The following CACNG3 variants were observed in gnomAD, a reference collection of about 807,000 sequenced individuals.
The protein encoded by CACNG3 is calcium voltage-gated channel auxiliary subunit gamma 3, also known as voltage-dependent calcium channel gamma-3 subunit.
In CACNG3, 3 loss-of-function variants were observed where a neutral mutation model predicts 28.5. The ratio of observed to expected loss-of-function variants is 0.11; its 90% CI spans 0.05 to 0.27. The LOEUF is 0.27. Ranked by LOEUF, CACNG3 falls within the 10% of genes least tolerant of loss-of-function variation. The pLI is 1.00. For synonymous variants in CACNG3, 174 were observed against 162.2 expected (o/e 1.07, Z -0.55); for missense variants, 236 against 414.4 (o/e 0.57, Z 3.74).
intron 1 of CACNG3, among the ~76,000 whole-genome samples, chr16:24,342,240 C>G (rs538955767): frequency 1.3e-5 from 2 of 152,088 alleles, no homozygotes; most frequent in East Asian, 3.9e-4. Flanking sequence ...TGCACTCCAG[C>G]CTGGGTGACA....
At chr16:24,299,436 T>G (rs1899076994) in intron 1 of CACNG3, among the ~76,000 whole-genome samples, 1 of 152,152 alleles carries the variant, frequency 6.6e-6, no homozygotes, top group Non-Finnish European at 1.5e-5. Flanking sequence ...AGGCACATCT[T>G]GTACATTCCC....
chr16:24,300,805 G>T (rs1231382703), intron 1 of CACNG3, among the ~76,000 whole-genome samples: 1 of 152,004 alleles, frequency 6.6e-6, no homozygotes, highest in Non-Finnish European at 1.5e-5. Flanking sequence ...TGTAATCCCA[G>T]CACTTTTGGA....
At chr16:24,312,947 G>GAAAA (rs879920459) in intron 1 of CACNG3, among the ~76,000 whole-genome samples, 3 of 104,886 alleles carry the variant, frequency 2.9e-5, no homozygotes, top group Admixed American at 9.8e-5. Flanking sequence ...AAGAAAGAAA[G>GAAAA]AAAGAAAGAG....
chr16:24,259,532 A>G (rs1199769469), intron 1 of CACNG3, among the ~76,000 whole-genome samples: 1 of 152,184 alleles, frequency 6.6e-6, no homozygotes, highest in African/African-American at 2.4e-5. Context: ...TCGTAGCTCC[A>G]TTTTCTTAGA....
chr16:24,322,721 C>T (rs576814747), intron 1 of CACNG3, among the ~76,000 whole-genome samples: 22 of 152,258 alleles, frequency 1.4e-4, no homozygotes, highest in Middle Eastern at 3.4e-3. Context: ...AAGTAACTTT[C>T]TCAGTCATTC....
rs1491437941 is a variant in CACNG3 at position 24,312,957 on chromosome 16, GAA to G, written c.212-33775_212-33774del. 2.8e-3 allele frequency among the ~76,000 whole-genome samples: 350 copies of G among 125,614 alleles called. 3 individuals are homozygous for G. The highest frequency in any genetic ancestry group is 5.3e-3 in the Admixed American group (62 of 11,728). The allele number at this position is 125,614 out of a possible 152,430, so 82.4% of individuals were successfully genotyped here. A position where few individuals can be genotyped will look rare whatever the true frequency, so the allele number is the denominator to read the frequency against. ...AAAGAAAGAAAGAAAGAAAGAAAGA[GAA>G]AGAAAGAAAAGAAAGAAAGAAATAA... On this transcript the variant is annotated intron_variant, in intron 1 of 3. Coordinates refer to ENST00000005284, the MANE Select transcript of CACNG3 (RefSeq NM_006539.4).
chr16:24,344,352 C>T (rs764041238), intron 1 of CACNG3, among the ~76,000 whole-genome samples: 7 of 150,272 alleles, frequency 4.7e-5, no homozygotes, highest in African/African-American at 7.4e-5. Flanking sequence ...GAGGTTGCAG[C>T]GAGTTGAGAT....
chr16:24,299,949 C>T (rs1596633377), intron 1 of CACNG3, among the ~76,000 whole-genome samples: 1 of 152,194 alleles, frequency 6.6e-6, no homozygotes, highest in Non-Finnish European at 1.5e-5. Context: ...CACACACACA[C>T]ACACACACAC....
intron 2 of CACNG3, 79 bp downstream of exon 2, chr16:24,346,896 G>C: frequency 9.3e-7 from 1 of 1,076,096 alleles, no homozygotes; most frequent in Non-Finnish European, 1.4e-6. Context: ...CTGAGTCGGA[G>C]CTTCCTCAGC....
At chr16:24,301,667 C>T (rs1899113291) in intron 1 of CACNG3, among the ~76,000 whole-genome samples, 1 of 152,190 alleles carries the variant, frequency 6.6e-6, no homozygotes, top group Non-Finnish European at 1.5e-5. Flanking sequence ...AGACATCGCA[C>T]AAGGTACAAG....
intron 1 of CACNG3, among the ~76,000 whole-genome samples, chr16:24,296,290 C>T (rs1178397374): frequency 1.3e-5 from 2 of 152,242 alleles, no homozygotes; most frequent in Non-Finnish European, 2.9e-5. Context: ...GAGTCTACAA[C>T]TTTCCATCTT....
chr16:24,337,437 A>C (rs1055619433), intron 1 of CACNG3, among the ~76,000 whole-genome samples: 1 of 152,108 alleles, frequency 6.6e-6, no homozygotes, highest in Non-Finnish European at 1.5e-5. Context: ...GGAAACACTC[A>C]AAATAGGGAC....
chr16:24,331,010 G>T (rs1279085805), intron 1 of CACNG3, among the ~76,000 whole-genome samples: 1 of 152,078 alleles, frequency 6.6e-6, no homozygotes, highest in African/African-American at 2.4e-5. Flanking sequence ...ATTTATAGTT[G>T]TCATTCTCTC....
chr16:24,297,884 G>C (rs1175670711), intron 1 of CACNG3, among the ~76,000 whole-genome samples: 1 of 152,116 alleles, frequency 6.6e-6, no homozygotes, highest in African/African-American at 2.4e-5. Flanking sequence ...TTGAGAAAGG[G>C]GGAAAGACTG....
chr16:24,287,867 G>T (rs1011640074), intron 1 of CACNG3, among the ~76,000 whole-genome samples: 1 of 152,198 alleles, frequency 6.6e-6, no homozygotes, highest in Non-Finnish European at 1.5e-5. Flanking sequence ...CCAGCACTTG[G>T]AGAGGCCGAG....
At chr16:24,281,595 GT>G (rs1281701070) in intron 1 of CACNG3, among the ~76,000 whole-genome samples, 2 of 152,098 alleles carry the variant, frequency 1.3e-5, no homozygotes, top group Non-Finnish European at 2.9e-5. Context: ...CTTCAATTAG[GT>G]CATATGTCCA....
chr16:24,291,542 A>AT (rs1372551104), intron 1 of CACNG3, among the ~76,000 whole-genome samples: 1 of 152,204 alleles, frequency 6.6e-6, no homozygotes, highest in African/African-American at 2.4e-5. Context: ...CCTGGGGCTG[A>AT]ATGAAAGGCC....
At chr16:24,304,955 G>C (rs1431292511) in intron 1 of CACNG3, among the ~76,000 whole-genome samples, 1 of 152,204 alleles carries the variant, frequency 6.6e-6, no homozygotes, top group Non-Finnish European at 1.5e-5. Context: ...AGTGTTTGTT[G>C]AATAAACTAA....
intron 1 of CACNG3, among the ~76,000 whole-genome samples, chr16:24,287,877 G>A (rs1353680443): frequency 1.3e-5 from 2 of 152,202 alleles, no homozygotes; most frequent in Admixed American, 6.5e-5. Context: ...GAGAGGCCGA[G>A]GGGAGAGGAT....
Sources: gnomAD v4.1 joint callset for allele counts (sites outside exome capture counted in the v4.1 genomes callset) on GRCh38, gnomAD v4.1.1 for gene constraint, MANE v1.5 for transcripts, NCBI Gene and HGNC (gene_info 2026-07-23, HGNC 2026-07-21) for gene names.